Variants in LAMA1 observed in about 807,000 individuals in gnomAD.
LAMA1 encodes the protein laminin subunit alpha-1.
In LAMA1, 219 loss-of-function variants were observed where a neutral mutation model predicts 348.7. That is an observed-to-expected ratio of 0.63 (90% CI 0.56 to 0.70). The LOEUF is 0.70. Ranked by LOEUF, LAMA1 falls within the 30% of genes least tolerant of loss-of-function variation. The pLI is 0.00. For synonymous variants in LAMA1, 1,487 were observed against 1,491.0 expected, an observed-to-expected ratio of 1.00 and a Z score of 0.06; for missense variants, 3,744 against 3,888.0, an observed-to-expected ratio of 0.96 and a Z score of 0.99.
chr18:7,014,074 C>G, intron 22 of LAMA1, 23 bp from the exon 23 acceptor site: 1 of 1,587,534 alleles, frequency 6.3e-7, no homozygotes, highest in Non-Finnish European at 8.6e-7. Context: ...AAAACCAACT[C>G]AATTAAAAAG....
chr18:6,951,737 G>A (rs1390773023), intron 57 of LAMA1, among the ~76,000 whole-genome samples: 2 of 152,200 alleles, frequency 1.3e-5, no homozygotes, highest in Non-Finnish European at 2.9e-5. Context: ...AGACCAGGGT[G>A]GCGGTGGGGA....
Position 6,958,633 on chromosome 18 carries a change from T to C in LAMA1, c.7808A>G (p.Asn2603Ser). The change falls in exon 55 of 63, where the codon AAT (asparagine) becomes AGT (serine). Residue 2603 changes from asparagine to serine, a missense_variant. Physicochemically the swap from Asn to Ser is conservative, Grantham distance 46. This residue lies in a region of LAMA1 where 1,983 missense variants were observed against 1,934.3 expected (regional missense o/e 1.03). Transcript: ENST00000389658. Reference sequence around the variant, plus strand: ...TGTGCCCAACTTCATTTCCACAGGATTGTTCTCATCCAATTGGACAGTGAT... The same window carrying C: ...TGTGCCCAACTTCATTTCCACAGGACTGTTCTCATCCAATTGGACAGTGAT... Reference protein sequence around the residue: ...RIITVQLDENNPVEMKLGTLV... With the variant: ...RIITVQLDENSPVEMKLGTLV... The C allele has an allele frequency of 6.2e-7, 1 of 1,614,144 alleles. No individual in the cohort carries two copies. The highest frequency in any genetic ancestry group is 8.5e-7 in the Non-Finnish European group (1 of 1,179,994).
rs772805907 is a variant in LAMA1, at chr18:6,964,653, T to A, written c.7337+9A>T. On this transcript the variant is annotated intron_variant, in intron 51 of 62. Transcript: ENST00000389658. The stretch of plus-strand genomic sequence containing the variant: ...ATCAGCGACATGAAAATTCTGCAGT[T>A]TAATATACCTTACAACTCTTGACCT... 1 of 1,614,162 alleles carries A rather than the reference T, an allele frequency of 6.2e-7. No individual in the cohort carries two copies. Among genetic ancestry groups the A allele is most frequent in the Non-Finnish European group, 8.5e-7 (1 of 1,180,014 alleles).
intron 36 of LAMA1, among the ~76,000 whole-genome samples, 170 bp from the exon 37 acceptor site, chr18:6,986,517 G>C (rs1016397294): frequency 1.3e-5 from 2 of 150,610 alleles, no homozygotes; most frequent in Non-Finnish European, 2.9e-5. Context: ...GATAGCTACA[G>C]GTATGGCAGG....
At chr18:7,060,302 CGAG>C (rs905523895) in intron 3 of LAMA1, among the ~76,000 whole-genome samples, 1 of 152,122 alleles carries the variant, frequency 6.6e-6, no homozygotes. Flanking sequence ...GCTTCATAAA[CGAG>C]AAGAACATTT....
At chr18:7,057,475 T>C (rs1206945270) in intron 3 of LAMA1, among the ~76,000 whole-genome samples, 7 of 115,546 alleles carry the variant, frequency 6.1e-5, no homozygotes, top group East Asian at 4.1e-4. Context: ...TCTTTTCTTT[T>C]TTTTTTTTTT....
chr18:6,959,195 A>G (rs1473972436), intron 54 of LAMA1, 146 bp downstream of exon 54: 15 of 1,025,694 alleles, frequency 1.5e-5, no homozygotes, highest in Non-Finnish European at 2.2e-5. Flanking sequence ...GGTTCCCAGG[A>G]AAGAATCCTA....
chr18:7,070,904 C>CA (rs11455370), intron 3 of LAMA1, among the ~76,000 whole-genome samples: 54,695 of 127,238 alleles, frequency 0.43, 11,330 homozygotes, highest in South Asian at 0.65. Context: ...GCTTCTTGAT[C>CA]AAAAAAAAAA....
At chr18:7,053,677 C>T (rs1319662209) in intron 3 of LAMA1, among the ~76,000 whole-genome samples, 1 of 152,142 alleles carries the variant, frequency 6.6e-6, no homozygotes, top group Non-Finnish European at 1.5e-5. Flanking sequence ...GAAGGAATTA[C>T]CTCTCCAAAA....
chr18:7,110,141 AC>A (rs1166319554), intron 1 of LAMA1, among the ~76,000 whole-genome samples: 1 of 151,532 alleles, frequency 6.6e-6, no homozygotes, highest in Non-Finnish European at 1.5e-5. Flanking sequence ...AGATCACGCT[AC>A]TGCACTCCAG....
At chr18:6,995,507 T>A in intron 33 of LAMA1, 61 bp from the exon 34 acceptor site, 1 of 892,338 alleles carries the variant, frequency 1.1e-6, no homozygotes, top group Non-Finnish European at 1.9e-6. Flanking sequence ...GATTCTTAAC[T>A]AAGAAGCACT....
At position 6,958,526 on chromosome 18, in the gene LAMA1, T is replaced by C. The variant is rs1354635613; in HGVS notation, c.7915A>G (p.Met2639Val). 2 of 1,614,216 alleles carry C rather than the reference T, an allele frequency of 1.2e-6. No individual in the cohort carries two copies. Among genetic ancestry groups the C allele is most frequent in the South Asian group, 1.1e-5 (1 of 91,084 alleles). The change falls in exon 55 of 63, where the codon ATG becomes GTG. Residue 2639 changes from methionine to valine, a missense_variant. By Grantham distance (21) the Met-to-Val change is conservative (BLOSUM62 1). This residue lies in a region of LAMA1 where 1,983 missense variants were observed against 1,934.3 expected (regional missense o/e 1.03). Coordinates refer to ENST00000389658, the MANE Select transcript of LAMA1 (RefSeq NM_005559.4). ...PEGEGTSLLTMRRSFHGCIKN... is the reference protein window; with the variant it reads ...PEGEGTSLLTVRRSFHGCIKN... Reference sequence around the variant, plus strand: ...ATACAGCCATGGAACGATCTTCTCATTGTGAGCAGTGACGTCCCCTCTCCC... The same window carrying C: ...ATACAGCCATGGAACGATCTTCTCACTGTGAGCAGTGACGTCCCCTCTCCC...
chr18:6,985,462 A>C (rs777175051), intron 38 of LAMA1, 62 bp from the exon 39 acceptor site: 20 of 1,607,130 alleles, frequency 1.2e-5, no homozygotes, highest in Middle Eastern at 3.3e-4. Context: ...ATATGTGTGC[A>C]TATAGAAAAG....
At chr18:6,968,077 T>G (rs915964994) in intron 48 of LAMA1, among the ~76,000 whole-genome samples, 1 of 152,170 alleles carries the variant, frequency 6.6e-6, no homozygotes, top group Non-Finnish European at 1.5e-5. Context: ...TCGGCCCAGG[T>G]GCCTGTTCCC....
At chr18:6,998,902 G>A (rs1247968027) in intron 32 of LAMA1, among the ~76,000 whole-genome samples, 1 of 152,066 alleles carries the variant, frequency 6.6e-6, no homozygotes, top group Non-Finnish European at 1.5e-5. Flanking sequence ...GCAAGGTGGT[G>A]GACACCTGTG....
chr18:7,043,501 TTA>T, intron 7 of LAMA1, 96 bp from the exon 8 acceptor site: 1 of 1,009,644 alleles, frequency 9.9e-7, no homozygotes, highest in Non-Finnish European at 1.5e-6. Flanking sequence ...TGATTTTAGA[TTA>T]AATTAAAATC....
At chr18:6,971,286 A>C (rs1487072560) in intron 48 of LAMA1, among the ~76,000 whole-genome samples, 1 of 152,244 alleles carries the variant, frequency 6.6e-6, no homozygotes, top group Non-Finnish European at 1.5e-5. Context: ...TATATGCAGA[A>C]ACATACTCAT....
At position 6,992,740 on chromosome 18, in the gene LAMA1, A is replaced by G. The variant is rs1378777132; in HGVS notation, c.5009-20T>C. 13 of 1,602,130 alleles carry G rather than the reference A, an allele frequency of 8.1e-6. No individual in the cohort carries two copies. The highest frequency in any genetic ancestry group is 4.5e-5 in the East Asian group (2 of 44,804). On this transcript the variant is annotated intron_variant, in intron 35 of 62. Coordinates refer to ENST00000389658, the MANE Select transcript of LAMA1 (RefSeq NM_005559.4). Reference sequence around the variant, plus strand: ...TAATTTCTATGGAGAAAATTCATCAATTATTTAATAAGCCTCTCAAAAGTG... The same window carrying G: ...TAATTTCTATGGAGAAAATTCATCAGTTATTTAATAAGCCTCTCAAAAGTG...
At chr18:7,103,601 G>T (rs1390752191) in intron 1 of LAMA1, among the ~76,000 whole-genome samples, 1 of 151,444 alleles carries the variant, frequency 6.6e-6, no homozygotes, top group Non-Finnish European at 1.5e-5. Context: ...ATCACCTGAG[G>T]TCAGGAGTTC....
Sources: gnomAD v4.1 joint callset for allele counts (sites outside exome capture counted in the v4.1 genomes callset) on GRCh38, gnomAD v4.1.1 for gene constraint, gnomAD v4.1.1 regional missense constraint, MANE v1.5 for transcripts, NCBI Gene and HGNC (gene_info 2026-07-23, HGNC 2026-07-21) for gene names.